The following PDZRN3 variants were observed in gnomAD, a reference collection of about 807,000 sequenced individuals.
PDZRN3 encodes PDZ domain containing ring finger 3, also known as E3 ubiquitin-protein ligase PDZRN3.
PDZRN3 carries 38 observed loss-of-function variants against 85.7 expected under a neutral mutation model. The observed-to-expected ratio is 0.44, with a 90% CI of 0.34 to 0.58. The LOEUF is 0.58. Ranked by LOEUF, PDZRN3 falls within the 20% of genes least tolerant of loss-of-function variation. The pLI is 0.01. For synonymous variants in PDZRN3, 759 were observed against 638.0 expected (o/e 1.19, Z -2.86); for missense variants, 1,629 against 1,506.4 (o/e 1.08, Z -1.35).
chr3:73,577,238 G>A (rs1702138869), intron 3 of PDZRN3, among the ~76,000 whole-genome samples: 1 of 152,064 alleles, frequency 6.6e-6, no homozygotes, highest in Non-Finnish European at 1.5e-5. Context: ...TAAACCCAAG[G>A]GATGAGAAAC....
At chr3:73,595,538 G>T (rs1702419081) in intron 3 of PDZRN3, among the ~76,000 whole-genome samples, 2 of 152,072 alleles carry the variant, frequency 1.3e-5, no homozygotes, top group African/African-American at 4.8e-5. Flanking sequence ...TTAAAGAAAT[G>T]AAAGAAAATG....
chr3:73,621,177 C>A lies in PDZRN3; in HGVS notation c.723+2926G>T, dbSNP rs1292800043. Among the ~76,000 whole-genome samples the A allele has an allele frequency of 3.3e-5, 5 of 152,296 alleles. No individual in the cohort carries two copies. The South Asian group carries it at 1.0e-3, about 32-fold the overall frequency. ...TCCAATCACGCTAAGGCTTGAGAAT[C>A]CTTAATATAGCTCACATGGTAGAAC... is the stretch of plus-strand genomic sequence containing the variant. On this transcript the variant is annotated intron_variant, in intron 1 of 9. Coordinates refer to ENST00000263666, the MANE Select transcript of PDZRN3 (RefSeq NM_015009.3).
intron 3 of PDZRN3, among the ~76,000 whole-genome samples, chr3:73,569,741 CT>C (rs1349997317): frequency 3.9e-5 from 6 of 152,220 alleles, no homozygotes; most frequent in African/African-American, 1.4e-4. Flanking sequence ...GGTCCAGGCG[CT>C]GGGCTGGACT....
intron 3 of PDZRN3, among the ~76,000 whole-genome samples, chr3:73,460,571 T>C (rs1161494525): frequency 1.3e-5 from 2 of 152,198 alleles, no homozygotes; most frequent in Non-Finnish European, 2.9e-5. Context: ...GTATGTCAGG[T>C]ATCTGACAAA....
intron 3 of PDZRN3, chr3:73,569,407 GTACATATTTC>G: frequency 8.6e-7 from 1 of 1,163,098 alleles, no homozygotes; most frequent in Non-Finnish European, 1.1e-6. Context: ...CTGTACAAGA[GTACATATTTC>G]CTGTCTCTTC....
At chr3:73,541,836 C>T (rs964253237) in intron 3 of PDZRN3, among the ~76,000 whole-genome samples, 2 of 152,150 alleles carry the variant, frequency 1.3e-5, no homozygotes, top group African/African-American at 4.8e-5. Flanking sequence ...GCAGAGACCA[C>T]ATCTTATTTT....
chr3:73,396,247 C>T (rs1253250192), intron 5 of PDZRN3, among the ~76,000 whole-genome samples: 1 of 152,002 alleles, frequency 6.6e-6, no homozygotes, highest in Non-Finnish European at 1.5e-5. Flanking sequence ...AATAATAGTA[C>T]TGGTGGCATA....
At chr3:73,413,317 AATAAGTCAC>A (rs1281009940) in intron 3 of PDZRN3, among the ~76,000 whole-genome samples, 5 of 152,126 alleles carry the variant, frequency 3.3e-5, no homozygotes, top group Non-Finnish European at 5.9e-5. Context: ...CCATACTCCA[AATAAGTCAC>A]ATAAGAAAAC....
chr3:73,606,020 T>C (rs1702594870), intron 2 of PDZRN3, among the ~76,000 whole-genome samples: 1 of 152,206 alleles, frequency 6.6e-6, no homozygotes, highest in Middle Eastern at 3.2e-3. Flanking sequence ...TTGCACCTGG[T>C]GAGTGTGGAA....
At chr3:73,570,222 CAAAT>C (rs1392904188) in intron 3 of PDZRN3, among the ~76,000 whole-genome samples, 1 of 152,032 alleles carries the variant, frequency 6.6e-6, no homozygotes, top group Admixed American at 6.6e-5. Flanking sequence ...AAATATTTCT[CAAAT>C]GAATGAATGA....
chr3:73,384,809 T>C lies in PDZRN3; in HGVS notation c.1757A>G (p.Gln586Arg), dbSNP rs1219133925. Reference protein sequence around the residue: ...ESTRNDESSEQENNGDDATAS... With the variant: ...ESTRNDESSERENNGDDATAS... Reference sequence around the variant, plus strand: ...GGTGGCGTCGTCGCCATTGTTCTCTTGCTCCGAGCTCTCGTCATTACGGGT... The same window carrying C: ...GGTGGCGTCGTCGCCATTGTTCTCTCGCTCCGAGCTCTCGTCATTACGGGT... The change falls in exon 10 of 10, where the codon CAA becomes CGA. Residue 586 changes from glutamine to arginine, a missense_variant. By Grantham distance (43) the Gln-to-Arg change is conservative. Transcript: ENST00000263666. The C allele has an allele frequency of 6.2e-7, 1 of 1,614,092 alleles. No homozygotes were observed. The highest frequency in any genetic ancestry group is 8.5e-7 in the Non-Finnish European group (1 of 1,180,040).
chr3:73,383,830 G>T lies in PDZRN3; in HGVS notation c.2736C>A (p.Pro912=), dbSNP rs1341270638. The T allele has an allele frequency of 9.9e-6, 16 of 1,613,460 alleles. No homozygotes were observed. Among genetic ancestry groups the T allele is most frequent in the Non-Finnish European group, 1.4e-5 (16 of 1,179,810 alleles). ...LVSMCKDLSS[P]TPSEPRMEWK... is the part of the protein sequence containing the mutation. ...ACTCCATGCGCGGCTCCGACGGGGT[G>T]GGAGAGCTCAGGTCCTTGCACATGC... is the stretch of plus-strand genomic sequence containing the variant. Residue 912 remains proline (P), a synonymous_variant, in exon 10 of 10, where the codon CCC becomes CCA. Coordinates refer to ENST00000263666, the MANE Select transcript of PDZRN3 (RefSeq NM_015009.3).
At chr3:73,404,500 A>G in intron 3 of PDZRN3, 105 bp from the exon 4 acceptor site, 1 of 1,254,052 alleles carries the variant, frequency 8.0e-7, no homozygotes, top group Non-Finnish European at 1.1e-6. Context: ...AAAAGAAAGA[A>G]GCAGGTGGTG....
chr3:73,383,869 C>T lies in PDZRN3; in HGVS notation c.2697G>A (p.Gln899=). Reference sequence around the variant, plus strand: ...CCTTGCACATGCTCACCAGGCTCATCTGGCTTTGCGCGTACTCCACGGCCG... The same window carrying T: ...CCTTGCACATGCTCACCAGGCTCATTTGGCTTTGCGCGTACTCCACGGCCG... ...QKSAVEYAQS[Q]MSLVSMCKDL... The change falls in exon 10 of 10, where the codon CAG becomes CAA. Residue 899 remains glutamine (Q), a synonymous_variant. Transcript: ENST00000263666. 3.7e-6 allele frequency: 6 copies of T among 1,613,616 alleles called. No homozygotes were observed. Among genetic ancestry groups the T allele is most frequent in the Non-Finnish European group, 5.1e-6 (6 of 1,179,782 alleles).
chr3:73,492,689 G>A (rs556714766), intron 3 of PDZRN3, among the ~76,000 whole-genome samples: 1 of 152,272 alleles, frequency 6.6e-6, no homozygotes, highest in East Asian at 1.9e-4. Context: ...CAGCTAGACA[G>A]GAAGAAAGGG....
intron 1 of PDZRN3, among the ~76,000 whole-genome samples, chr3:73,620,452 T>C (rs34244386): frequency 0.48 from 73,468 of 152,104 alleles, 20,663 homozygotes; most frequent in East Asian, 0.7. Context: ...GGAGCAGAAC[T>C]CTTTAACTCA....
At chr3:73,598,132 T>C (rs1702457822) in intron 3 of PDZRN3, among the ~76,000 whole-genome samples, 1 of 152,142 alleles carries the variant, frequency 6.6e-6, no homozygotes, top group Admixed American at 6.5e-5. Context: ...GGTGTGTTTG[T>C]GGATGAGGAA....
At chr3:73,423,168 ATT>A (rs1338213743) in intron 3 of PDZRN3, among the ~76,000 whole-genome samples, 1 of 152,206 alleles carries the variant, frequency 6.6e-6, no homozygotes, top group Admixed American at 6.5e-5. Flanking sequence ...TAACTGAAAT[ATT>A]GTTATGAAGG....
chr3:73,463,028 TAGAA>T (rs199587624), intron 3 of PDZRN3, among the ~76,000 whole-genome samples: 116 of 152,212 alleles, frequency 7.6e-4, no homozygotes, highest in African/African-American at 1.9e-3. Flanking sequence ...CCACCTCTGA[TAGAA>T]AGGAATAGGA....
Sources: gnomAD v4.1 joint callset for allele counts (sites outside exome capture counted in the v4.1 genomes callset) on GRCh38, gnomAD v4.1.1 for gene constraint, MANE v1.5 for transcripts, NCBI Gene and HGNC (gene_info 2026-07-23, HGNC 2026-07-21) for gene names.